Variants in GPLD1 observed in about 807,000 individuals in gnomAD.
GPLD1 encodes phosphatidylinositol-glycan-specific phospholipase D.
GPLD1 carries 84 observed loss-of-function variants against 112.6 expected under a neutral mutation model. The observed-to-expected ratio is 0.75, with a 90% CI of 0.63 to 0.89. The LOEUF (loss-of-function observed/expected upper bound fraction) is 0.89. Ranked by LOEUF, GPLD1 falls within the 40% of genes least tolerant of loss-of-function variation. The pLI is 0.00. For missense variants in GPLD1, 1,044 were observed against 1,051.5 expected (o/e 0.99, Z 0.10); for synonymous variants, 386 against 403.8 (o/e 0.96, Z 0.53).
intron 22 of GPLD1, among the ~76,000 whole-genome samples, chr6:24,435,470 G>A (rs1007409069): frequency 2.0e-5 from 3 of 152,144 alleles, no homozygotes; most frequent in Non-Finnish European, 4.4e-5. Flanking sequence ...ATTTTAGGTA[G>A]ATAATTTTTA....
At chr6:24,472,236 T>C (rs1763850186) in intron 7 of GPLD1, among the ~76,000 whole-genome samples, 1 of 152,170 alleles carries the variant, frequency 6.6e-6, no homozygotes, top group Non-Finnish European at 1.5e-5. Flanking sequence ...GCAACCTCAA[T>C]GAGATACCAT....
chr6:24,429,890 C>T (rs1323391488), intron 24 of GPLD1, among the ~76,000 whole-genome samples: 4 of 152,130 alleles, frequency 2.6e-5, no homozygotes, highest in African/African-American at 7.2e-5. Flanking sequence ...ACTCCGAGGT[C>T]GGATTTGATT....
At chr6:24,462,078 G>A (rs376075468) in intron 11 of GPLD1, among the ~76,000 whole-genome samples, 1 of 152,102 alleles carries the variant, frequency 6.6e-6, no homozygotes, top group East Asian at 1.9e-4. Context: ...GTAAAATCTG[G>A]GTGAAGTTTA....
rs569456241 is a variant in GPLD1 at position 24,495,014 on chromosome 6, G to T, written n.192C>A. On this transcript the variant is annotated non_coding_transcript_exon_variant, in exon 1 of 11. Transcript: ENST00000474784. ...CCCGGGCCATGGCGACCTGCATTTG[G>T]CTGCGGAGCTGTGGGGCCCGGCGCC... 94 of 1,327,144 alleles carry T rather than the reference G, an allele frequency of 7.1e-5. No homozygotes were observed. The East Asian group carries it at 2.4e-3, about 33-fold the overall frequency. The allele number at this position is 1,327,144 out of a possible 1,614,324, so 82.2% of individuals were successfully genotyped here.
chr6:24,476,358 C>A (rs368704508), intron 3 of GPLD1, 80 bp from the exon 4 acceptor site: 2 of 725,986 alleles, frequency 2.8e-6, no homozygotes, highest in Non-Finnish European at 4.9e-6. Flanking sequence ...CCACCCGCTG[C>A]GCTGCTGTGT....
At chr6:24,489,686 C>G (rs1220130590), upstream of GPLD1, 3 of 1,099,948 alleles carry the variant, frequency 2.7e-6, no homozygotes, top group Non-Finnish European at 3.8e-6. Flanking sequence ...AACTGTCCAA[C>G]TACTGTTTAG....
At chr6:24,477,706 G>T (rs1369105470) in intron 3 of GPLD1, among the ~76,000 whole-genome samples, 1 of 152,010 alleles carries the variant, frequency 6.6e-6, no homozygotes, top group African/African-American at 2.4e-5. Flanking sequence ...CCCCAGCCTG[G>T]GCAACAGAGC....
chr6:24,431,920 T>C (rs1349523833), intron 24 of GPLD1, among the ~76,000 whole-genome samples: 2 of 152,168 alleles, frequency 1.3e-5, no homozygotes, highest in Non-Finnish European at 2.9e-5. Context: ...GATTCTCACC[T>C]GTGGGGATAC....
chr6:24,483,629 T>C (rs1044330459), intron 2 of GPLD1, among the ~76,000 whole-genome samples: 1 of 151,170 alleles, frequency 6.6e-6, no homozygotes, highest in Non-Finnish European at 1.5e-5. Context: ...ATCACACCAC[T>C]GCACTCCAGC....
chr6:24,479,868 A>C lies in GPLD1; in HGVS notation c.232+13T>G. 6.6e-7 allele frequency: 1 copy of C among 1,526,668 alleles called. No homozygotes were observed. The highest frequency in any genetic ancestry group is 9.1e-7 in the Non-Finnish European group (1 of 1,100,326). The allele number at this position is 1,526,668 out of a possible 1,614,324, so 94.6% of individuals were successfully genotyped here. On this transcript the variant is annotated intron_variant, in intron 3 of 24. Coordinates refer to ENST00000230036, the MANE Select transcript of GPLD1 (RefSeq NM_001503.4). ...AAAAGTGACTTCATTCAGTCTGCAA[A>C]CTTTCATCTTACCTCCTTTGCAGAT...
downstream of GPLD1, chr6:24,424,156 G>T (rs140027003): frequency 3.6e-4 from 55 of 151,516 alleles, no homozygotes; most frequent in Admixed American, 9.2e-4. Flanking sequence ...CCTTACAACA[G>T]ACTCTGTAAG....
At chr6:24,453,933 G>T in intron 14 of GPLD1, 82 bp downstream of exon 14, 1 of 838,292 alleles carries the variant, frequency 1.2e-6, no homozygotes, top group Non-Finnish European at 1.9e-6. Flanking sequence ...CTTGTTATTA[G>T]TTACTCATCC....
chr6:24,489,688 A>G (rs1174468663), upstream of GPLD1: 1 of 1,054,208 alleles, frequency 9.5e-7, no homozygotes, highest in Non-Finnish European at 1.3e-6. Flanking sequence ...CTGTCCAACT[A>G]CTGTTTAGCT....
chr6:24,488,684 C>T (rs1764463693), intron 1 of GPLD1, among the ~76,000 whole-genome samples: 1 of 152,174 alleles, frequency 6.6e-6, no homozygotes, highest in Non-Finnish European at 1.5e-5. Context: ...ACAAGGCATA[C>T]ATATATCAAC....
chr6:24,432,569 C>T (rs1440596837), intron 24 of GPLD1, among the ~76,000 whole-genome samples: 2 of 152,002 alleles, frequency 1.3e-5, no homozygotes, highest in African/African-American at 4.8e-5. Flanking sequence ...CCACTGCACT[C>T]CAGCATGGGC....
intron 7 of GPLD1, among the ~76,000 whole-genome samples, chr6:24,471,781 G>A (rs375632714): frequency 1.2e-4 from 19 of 152,102 alleles, no homozygotes; most frequent in East Asian, 9.7e-4. Context: ...GTGCAGAGGC[G>A]CGATCATAGC....
At chr6:24,491,766 AT>A (rs1431198916), upstream of GPLD1, among the ~76,000 whole-genome samples, 3 of 152,180 alleles carry the variant, frequency 2.0e-5, no homozygotes, top group Non-Finnish European at 4.4e-5. Flanking sequence ...ATTTCTCATT[AT>A]GCATTTTTTT....
chr6:24,465,408 G>A lies in GPLD1; in HGVS notation c.821+1272C>T, dbSNP rs141261259. ...ATACAAACAATTAGCCTGGTGCAGTGGTGTGAGCCTGTGGTCCCAGGTACT... is the reference window on the plus strand; with the variant it reads ...ATACAAACAATTAGCCTGGTGCAGTAGTGTGAGCCTGTGGTCCCAGGTACT... On this transcript the variant is annotated intron_variant, in intron 10 of 24. Coordinates refer to ENST00000230036, the MANE Select transcript of GPLD1 (RefSeq NM_001503.4). 7.3e-5 allele frequency among the ~76,000 whole-genome samples: 11 copies of A among 151,038 alleles called. No homozygotes were observed. In the East Asian group the frequency reaches 2.2e-3, roughly 30 times the overall value.
chr6:24,428,892 C>T lies in GPLD1; in HGVS notation c.*140G>A. The T allele has an allele frequency of 1.9e-6, 1 of 530,944 alleles. No individual in the cohort carries two copies. The highest frequency in any genetic ancestry group is 3.3e-5 in the South Asian group (1 of 30,478). 32.9% of individuals were successfully genotyped at this position (530,944 alleles called of 1,614,324 possible). On this transcript the variant is annotated 3_prime_UTR_variant, in exon 25 of 25. Coordinates refer to ENST00000230036, the MANE Select transcript of GPLD1 (RefSeq NM_001503.4). ...CCAGAGGGTGTGGCTGTTAGTGTGTCTCTCTACTCCCAGGAGCCCCATGTC... is the reference window on the plus strand; with the variant it reads ...CCAGAGGGTGTGGCTGTTAGTGTGTTTCTCTACTCCCAGGAGCCCCATGTC...
Sources: allele counts gnomAD v4.1 joint callset (sites outside exome capture counted in the v4.1 genomes callset), GRCh38; gene constraint gnomAD v4.1.1; transcripts MANE v1.5; gene names NCBI Gene and HGNC (gene_info 2026-07-23, HGNC 2026-07-21).